The following FSTL5 variants were observed in gnomAD, a reference collection of about 807,000 sequenced individuals.
FSTL5 encodes follistatin like 5, also known as follistatin-related protein 5.
FSTL5 carries 62 observed loss-of-function variants against 89.1 expected under a neutral mutation model. That is an observed-to-expected ratio of 0.70 (90% CI 0.57 to 0.86). FSTL5 has a LOEUF of 0.86. Among genes scored for constraint, FSTL5 ranks in the 40% least tolerant of loss-of-function variants. The pLI is 0.00. For missense variants in FSTL5, 1,057 were observed against 1,001.6 expected, an observed-to-expected ratio of 1.06 and a Z score of -0.75; for synonymous variants, 383 against 346.2, an observed-to-expected ratio of 1.11 and a Z score of -1.18.
intron 4 of FSTL5, among the ~76,000 whole-genome samples, chr4:161,840,554 T>G (rs1368987974): frequency 1.3e-5 from 2 of 152,182 alleles, no homozygotes; most frequent in Non-Finnish European, 2.9e-5. Context: ...CCTGTTGATA[T>G]CTACAGACGT....
intron 4 of FSTL5, among the ~76,000 whole-genome samples, chr4:161,792,390 C>T (rs1298802989): frequency 1.3e-5 from 2 of 152,062 alleles, no homozygotes; most frequent in Admixed American, 6.5e-5. Flanking sequence ...AGGTTGATGA[C>T]GGCAAAAGGC....
intron 4 of FSTL5, among the ~76,000 whole-genome samples, 196 bp downstream of exon 4, chr4:161,920,208 T>C (rs1403059115): frequency 1.3e-5 from 2 of 152,232 alleles, no homozygotes; most frequent in Non-Finnish European, 1.5e-5. Flanking sequence ...TGGCCAGCTT[T>C]ATTCTCATAA....
chr4:161,727,043 AG>A (rs908864970), intron 6 of FSTL5, among the ~76,000 whole-genome samples: 1 of 152,148 alleles, frequency 6.6e-6, no homozygotes. Context: ...CAGAAAATTG[AG>A]GCATTTTAAA....
intron 8 of FSTL5, among the ~76,000 whole-genome samples, chr4:161,569,666 T>A (rs985166337): frequency 1.4e-4 from 21 of 151,898 alleles, no homozygotes; most frequent in Non-Finnish European, 3.1e-4. Flanking sequence ...GAAAGACTGA[T>A]TATGCTGGAT....
intron 4 of FSTL5, among the ~76,000 whole-genome samples, chr4:161,813,014 A>T (rs1229402488): frequency 6.7e-6 from 1 of 150,068 alleles, no homozygotes; most frequent in Non-Finnish European, 1.5e-5. Flanking sequence ...TGGGAACATG[A>T]GACTGTGAAA....
At chr4:161,498,922 C>A (rs182561278) in intron 12 of FSTL5, among the ~76,000 whole-genome samples, 1 of 151,962 alleles carries the variant, frequency 6.6e-6, no homozygotes, top group Admixed American at 6.6e-5. Context: ...AAAATAGGGC[C>A]GAGTGAAGTG....
In FSTL5 at chr4:161,385,830, G is replaced by T; in HGVS notation, c.2461C>A (p.Leu821Ile). 1 of 1,613,630 alleles carries T rather than the reference G, an allele frequency of 6.2e-7. No individual in the cohort carries two copies. Among genetic ancestry groups the T allele is most frequent in the Non-Finnish European group, 8.5e-7 (1 of 1,179,758 alleles). ...MTPSKDSLFI[L>I]DGRLNKLNCE... Reference sequence around the variant, plus strand: ...TTTAATTTATTGAGTCGTCCATCTAGGATGAAGAGAGAGTCCTTGGAAGGT... The same window carrying T: ...TTTAATTTATTGAGTCGTCCATCTATGATGAAGAGAGAGTCCTTGGAAGGT... The change falls in exon 16 of 16, where the codon CTA becomes ATA. Residue 821 changes from leucine to isoleucine, a missense_variant. Leu to Ile is a conservative substitution (Grantham distance 5). Around this residue, in one of 3 missense-constraint regions of FSTL5, gnomAD observed 68 missense variants for 73.3 expected, o/e 0.93. Transcript: ENST00000306100.
chr4:161,387,228 A>G (rs1397899521), intron 15 of FSTL5: 4 of 152,108 alleles, frequency 2.6e-5, no homozygotes, highest in African/African-American at 9.6e-5. Flanking sequence ...ACAATGAGAT[A>G]GAAACTATTA....
chr4:161,590,898 G>C (rs1328809583), intron 7 of FSTL5, among the ~76,000 whole-genome samples: 1 of 152,116 alleles, frequency 6.6e-6, no homozygotes, highest in African/African-American at 2.4e-5. Flanking sequence ...CTACCCCAAA[G>C]AACTGAAAAC....
chr4:161,628,645 C>A (rs1735393906), intron 7 of FSTL5, among the ~76,000 whole-genome samples: 1 of 152,120 alleles, frequency 6.6e-6, no homozygotes, highest in African/African-American at 2.4e-5. Flanking sequence ...AACATTAAAT[C>A]CCAATGAAAT....
intron 3 of FSTL5, among the ~76,000 whole-genome samples, chr4:161,947,199 C>T (rs1376728680): frequency 5.3e-5 from 8 of 151,238 alleles, no homozygotes; most frequent in Admixed American, 1.3e-4. Context: ...TTGCCTATGC[C>T]TATTAAATTC....
At chr4:161,810,337 G>GT (rs909845113) in intron 4 of FSTL5, among the ~76,000 whole-genome samples, 1 of 152,040 alleles carries the variant, frequency 6.6e-6, no homozygotes, top group Non-Finnish European at 1.5e-5. Flanking sequence ...AATATTTCAA[G>GT]TTTTAAGGTC....
intron 15 of FSTL5, among the ~76,000 whole-genome samples, chr4:161,405,674 G>T (rs1179650422): frequency 2.0e-5 from 3 of 152,096 alleles, no homozygotes; most frequent in Admixed American, 1.3e-4. Context: ...TAACGTACAT[G>T]AATCTATTCA....
intron 3 of FSTL5, among the ~76,000 whole-genome samples, chr4:162,031,799 G>A (rs1049509058): frequency 2.6e-5 from 4 of 152,094 alleles, no homozygotes; most frequent in African/African-American, 7.2e-5. Flanking sequence ...TTAGCTGGTC[G>A]TGGTGGCAGG....
chr4:161,459,176 A>G, intron 14 of FSTL5, 36 bp downstream of exon 14: 1 of 1,179,440 alleles, frequency 8.5e-7, no homozygotes, highest in South Asian at 1.2e-5. Context: ...AGCTTTAAAG[A>G]TTGTTATTTT....
At chr4:161,761,549 A>G (rs1280243685) in intron 5 of FSTL5, among the ~76,000 whole-genome samples, 2 of 152,120 alleles carry the variant, frequency 1.3e-5, no homozygotes, top group Non-Finnish European at 2.9e-5. Flanking sequence ...AGCTTTTGTC[A>G]TTTTCTGTCT....
chr4:161,652,147 A>T (rs1418585379), intron 7 of FSTL5, among the ~76,000 whole-genome samples: 1 of 152,062 alleles, frequency 6.6e-6, no homozygotes, highest in Admixed American at 6.6e-5. Flanking sequence ...TTTTATCATC[A>T]ATTTTCAGGC....
intron 6 of FSTL5, among the ~76,000 whole-genome samples, chr4:161,756,777 C>T (rs538343255): frequency 6.6e-6 from 1 of 152,264 alleles, no homozygotes; most frequent in South Asian, 2.1e-4. Flanking sequence ...ACAGATTACT[C>T]ATTCACATAT....
chr4:162,081,269 T>A (rs530482303), intron 2 of FSTL5, among the ~76,000 whole-genome samples: 4 of 151,660 alleles, frequency 2.6e-5, no homozygotes, highest in African/African-American at 9.7e-5. Context: ...TTAGAATTGA[T>A]CAGAACTGAC....
Sources: gnomAD v4.1 joint callset for allele counts (sites outside exome capture counted in the v4.1 genomes callset) on GRCh38, gnomAD v4.1.1 for gene constraint, gnomAD v4.1.1 regional missense constraint, MANE v1.5 for transcripts, NCBI Gene and HGNC (gene_info 2026-07-23, HGNC 2026-07-21) for gene names.